The following BCLAF3 variants were observed in gnomAD, a reference collection of about 807,000 sequenced individuals.
BCLAF3 encodes the protein BCLAF1 and THRAP3 family member 3.
Under a neutral mutation model 51.2 loss-of-function variants are expected in BCLAF3, and 24 were observed. The observed-to-expected ratio is 0.47, with a 90% CI of 0.34 to 0.66. The LOEUF (loss-of-function observed/expected upper bound fraction) is 0.66, where lower values mean the gene tolerates loss of function less well. Ranked by LOEUF, BCLAF3 falls within the 30% of genes least tolerant of loss-of-function variation. The pLI, the probability that BCLAF3 is intolerant of heterozygous loss-of-function variation, is 0.01. For synonymous variants in BCLAF3, 152 were observed against 176.6 expected (o/e 0.86, Z 1.10); for missense variants, 465 against 525.1 (o/e 0.89, Z 1.12).
intron 11 of BCLAF3, among the ~76,000 whole-genome samples, chrX:19,923,695 C>T (rs1380537329): frequency 9.0e-6 from 1 of 111,302 alleles, no homozygotes; most frequent in Admixed American, 9.6e-5. Flanking sequence ...CTTTATGTCC[C>T]TACAGATTTG....
chrX:19,941,016 G>A (rs1413141701), intron 8 of BCLAF3, among the ~76,000 whole-genome samples: 1 of 110,358 alleles, frequency 9.1e-6, no homozygotes, highest in Non-Finnish European at 1.9e-5. Context: ...TTTCTCTGAT[G>A]GCCAGTGATG....
At chrX:19,928,691 G>A (rs1028307087) in intron 11 of BCLAF3, among the ~76,000 whole-genome samples, 15 of 111,772 alleles carry the variant, frequency 1.3e-4, no homozygotes, top group Admixed American at 1.9e-4. Flanking sequence ...CAGTATCAAC[G>A]GCTGAATGGA....
chrX:19,985,748 G>A (rs1306038676), intron 1 of BCLAF3, among the ~76,000 whole-genome samples: 1 of 111,551 alleles, frequency 9.0e-6, no homozygotes, highest in African/African-American at 3.3e-5. Context: ...TTCAAGGCCA[G>A]CCCGGGCAAC....
At chrX:19,937,292 C>T (rs911531401) in intron 9 of BCLAF3, 126 bp downstream of exon 9, 13 of 489,096 alleles carry the variant, frequency 2.7e-5, no homozygotes, top group African/African-American at 4.8e-5. Flanking sequence ...TAAGCATCAA[C>T]GGAATCTTAT....
chrX:19,923,845 ATTT>A (rs561594796), intron 11 of BCLAF3, among the ~76,000 whole-genome samples: 10 of 90,120 alleles, frequency 1.1e-4, no homozygotes, highest in Admixed American at 4.8e-4. Flanking sequence ...TTATTTATTT[ATTT>A]TTTTTTTTTT....
intron 1 of BCLAF3, among the ~76,000 whole-genome samples, chrX:19,974,939 T>G (rs771276315): frequency 8.9e-6 from 1 of 111,974 alleles, no homozygotes; most frequent in Non-Finnish European, 1.9e-5. Flanking sequence ...GTGAATTTTA[T>G]TGCATATAAA....
chrX:19,970,385 C>T, intron 1 of BCLAF3, 87 bp from the exon 2 acceptor site: 8 of 770,849 alleles, frequency 1.0e-5, no homozygotes, highest in Non-Finnish European at 1.6e-5. Context: ...TTGACTTAAA[C>T]CCTTTGTGCC....
chrX:19,982,465 T>C (rs1251605641), intron 1 of BCLAF3, among the ~76,000 whole-genome samples: 1 of 110,158 alleles, frequency 9.1e-6, no homozygotes, highest in Admixed American at 9.9e-5. Flanking sequence ...TTATTGCCAG[T>C]TCTTCAGTAA....
intron 11 of BCLAF3, among the ~76,000 whole-genome samples, chrX:19,918,838 C>T (rs2070025474): frequency 9.1e-6 from 1 of 110,018 alleles, no homozygotes; most frequent in African/African-American, 3.3e-5. Context: ...CTGCACCTGG[C>T]CATAAAAGCC....
chrX:19,950,656 C>G (rs1177100814), intron 8 of BCLAF3, 97 bp downstream of exon 8: 1 of 548,983 alleles, frequency 1.8e-6, no homozygotes, highest in Admixed American at 3.5e-5. Context: ...GAGCAAATCC[C>G]TATATTAAAA....
Position 19,935,792 on chromosome X carries a change from A to C in BCLAF3, c.1950+17T>G. The C allele has an allele frequency of 1.7e-6, 2 of 1,178,956 alleles. No homozygotes were observed. Among genetic ancestry groups the C allele is most frequent in the Non-Finnish European group, 2.3e-6 (2 of 866,873 alleles). ...TAAAACCAAAGCTGGAATTAAATGG[A>C]AAACAACACTCAATACCTTAAAAGG... On this transcript the variant is annotated intron_variant, in intron 10 of 11. Transcript: ENST00000379682.
At chrX:19,931,170 T>C (rs1057194476) in intron 10 of BCLAF3, among the ~76,000 whole-genome samples, 2 of 112,286 alleles carry the variant, frequency 1.8e-5, no homozygotes, top group Non-Finnish European at 3.8e-5. Flanking sequence ...GTGTTTCCCA[T>C]GTGGTTGATA....
At chrX:19,968,836 G>A (rs1015349980) in intron 2 of BCLAF3, among the ~76,000 whole-genome samples, 2 of 112,467 alleles carry the variant, frequency 1.8e-5, no homozygotes, top group Admixed American at 1.9e-4. Context: ...TCTGTGGGCC[G>A]GGCGCAGTGG....
At position 19,990,263 on chromosome X, in the gene BCLAF3, A is replaced by G. The variant is rs770060777; in HGVS notation, c.-35+645T>C. ...CTTTCCCTCGAGACCTACCAACAGG[A>G]CAGTCCTGACAGCGACTGGCCCAGT... is the stretch of plus-strand genomic sequence containing the variant. On this transcript the variant is annotated intron_variant, in intron 1 of 11. Coordinates refer to ENST00000379682, the MANE Select transcript of BCLAF3 (RefSeq NM_001367774.2). Among the ~76,000 whole-genome samples the G allele has an allele frequency of 3.6e-5, 4 of 112,505 alleles. No individual in the cohort carries two copies. In the East Asian group the frequency reaches 1.1e-3, roughly 31 times the overall value.
rs769326885 is a variant in BCLAF3, at chrX:19,955,130, C to T, written c.1450+261G>A. Among the ~76,000 whole-genome samples the T allele has an allele frequency of 1.6e-4, 18 of 111,196 alleles. No individual in the cohort carries two copies. In the South Asian group the frequency reaches 5.2e-3, roughly 32 times the overall value. ...ACTGCTCTCAGTATGCCTTTTCTTT[C>T]GCAGCAGCCAGCCTCTCCCTTTCTA... On this transcript the variant is annotated intron_variant, in intron 5 of 11. Transcript: ENST00000379682.
chrX:19,918,697 C>T (rs1261506482), intron 11 of BCLAF3, among the ~76,000 whole-genome samples: 4 of 107,790 alleles, frequency 3.7e-5, no homozygotes, highest in African/African-American at 6.8e-5. Context: ...CATGCTACCA[C>T]GCTCAGCTGA....
chrX:19,939,347 T>A (rs965453359), intron 8 of BCLAF3, among the ~76,000 whole-genome samples: 17 of 112,215 alleles, frequency 1.5e-4, no homozygotes, highest in African/African-American at 4.2e-4. Context: ...ATGGATTTTT[T>A]AAAATTCTCT....
Position 19,917,206 on chromosome X carries a change from A to G in BCLAF3, c.*99T>C. Reference sequence around the variant, plus strand: ...TAAAGTTATTTTATCAAGAAGTTACAGTATTAGTGCCTTAGTGTCACTTCT... The same window carrying G: ...TAAAGTTATTTTATCAAGAAGTTACGGTATTAGTGCCTTAGTGTCACTTCT... On this transcript the variant is annotated 3_prime_UTR_variant, in exon 12 of 12. Coordinates refer to ENST00000379682, the MANE Select transcript of BCLAF3 (RefSeq NM_001367774.2). 1 of 732,927 alleles carries G rather than the reference A, an allele frequency of 1.4e-6. No individual in the cohort carries two copies. Among genetic ancestry groups the G allele is most frequent in the South Asian group, 2.5e-5 (1 of 39,496 alleles). 60.4% of individuals were successfully genotyped at this position (732,927 alleles called of 1,213,427 possible).
Position 19,914,148 on chromosome X carries a change from T to G in BCLAF3, c.*3157A>C, listed in dbSNP as rs1195954098. On this transcript the variant is annotated 3_prime_UTR_variant, in exon 12 of 12. Coordinates refer to ENST00000379682, the MANE Select transcript of BCLAF3 (RefSeq NM_001367774.2). Reference sequence around the variant, plus strand: ...GGGAAATGCCTAGTCCTGGTGAATCTTACCCCTTCTGCTGAGGTCCTGAGA... The same window carrying G: ...GGGAAATGCCTAGTCCTGGTGAATCGTACCCCTTCTGCTGAGGTCCTGAGA... 9.0e-6 allele frequency: 1 copy of G among 111,093 alleles called. No homozygotes were observed. Among genetic ancestry groups the G allele is most frequent in the African/African-American group, 3.3e-5 (1 of 30,432 alleles). The allele number at this position is 111,093 out of a possible 1,213,427, so 9.2% of individuals were successfully genotyped here. A position where few individuals can be genotyped will look rare whatever the true frequency, so the allele number is the denominator to read the frequency against.
Sources: gnomAD v4.1 joint callset for allele counts (sites outside exome capture counted in the v4.1 genomes callset) on GRCh38, gnomAD v4.1.1 for gene constraint, MANE v1.5 for transcripts, NCBI Gene and HGNC (gene_info 2026-07-23, HGNC 2026-07-21) for gene names.